Variants in MYOCD observed in about 807,000 individuals in gnomAD.
MYOCD encodes the protein myocardin.
MYOCD carries 32 observed loss-of-function variants against 96.1 expected under a neutral mutation model. The observed-to-expected ratio is 0.33, with a 90% confidence interval of 0.25 to 0.45. The LOEUF is 0.45. MYOCD is among the 20% of genes least tolerant of loss of function. The pLI is 1.00. For missense variants in MYOCD, 1,133 were observed against 1,200.6 expected, an observed-to-expected ratio of 0.94 and a Z score of 0.83; for synonymous variants, 469 against 469.0, an observed-to-expected ratio of 1.00 and a Z score of 0.00.
intron 9 of MYOCD, among the ~76,000 whole-genome samples, chr17:12,747,350 G>A (rs1438333000): frequency 8.3e-6 from 1 of 120,130 alleles, no homozygotes; most frequent in Non-Finnish European, 1.8e-5. Context: ...TGAGTCTTGG[G>A]AGAGTGACAT....
chr17:12,758,013 G>A (rs1301745395), intron 11 of MYOCD, 72 bp from the exon 12 acceptor site: 2 of 1,263,070 alleles, frequency 1.6e-6, no homozygotes, highest in Non-Finnish European at 2.3e-6. Flanking sequence ...TTAGCCTGTT[G>A]TTTCTAGAAC....
intron 1 of MYOCD, among the ~76,000 whole-genome samples, chr17:12,668,016 C>G (rs1399472169): frequency 6.6e-6 from 1 of 151,810 alleles, no homozygotes; most frequent in Non-Finnish European, 1.5e-5. Context: ...TCTTGACAGA[C>G]AAGAGAAAAA....
chr17:12,704,395 G>A (rs2031205432), intron 1 of MYOCD, among the ~76,000 whole-genome samples: 1 of 152,076 alleles, frequency 6.6e-6, no homozygotes, highest in Admixed American at 6.6e-5. Context: ...ACATGTATAT[G>A]ATATGTATAA....
chr17:12,710,396 A>G lies in MYOCD; in HGVS notation c.122-5123A>G, dbSNP rs115180370. The G allele has an allele frequency of 5.4e-3, 2,888 of 531,908 alleles. 61 individuals are homozygous for G. In the African/African-American group the frequency reaches 0.055, roughly 10 times the overall value. The allele number at this position is 531,908 out of a possible 1,614,324, so 32.9% of individuals were successfully genotyped here. On this transcript the variant is annotated intron_variant, in intron 2 of 13. Transcript: ENST00000425538. ...AGAAAGCCCCTGCTGGCCAGAATGAAATGTCTGGGCAGCTTGGTTTCATGA... is the reference window on the plus strand; with the variant it reads ...AGAAAGCCCCTGCTGGCCAGAATGAGATGTCTGGGCAGCTTGGTTTCATGA...
At position 12,666,031 on chromosome 17, in the gene MYOCD, G is replaced by A. The variant is rs1909355405; in HGVS notation, c.-158G>A. 4 of 565,608 alleles carry A rather than the reference G, an allele frequency of 7.1e-6. No individual in the cohort carries two copies. Among genetic ancestry groups the A allele is most frequent in the Non-Finnish European group, 1.3e-5 (4 of 316,946 alleles). The allele number at this position is 565,608 out of a possible 1,614,324, so 35.0% of individuals were successfully genotyped here. On this transcript the variant is annotated 5_prime_UTR_variant, in exon 1 of 14. Coordinates refer to ENST00000425538, the MANE Select transcript of MYOCD (RefSeq NM_001146312.3). ...GAGGGGGGAGGCGCCAGTTTTCTGG[G>A]GACACTGGCTGCCACTGTACTCCTA...
chr17:12,726,612 G>A (rs2032007289), intron 5 of MYOCD, among the ~76,000 whole-genome samples: 1 of 152,154 alleles, frequency 6.6e-6, no homozygotes, highest in Non-Finnish European at 1.5e-5. Flanking sequence ...TATTATGGAA[G>A]GGGGATCCTG....
intron 9 of MYOCD, among the ~76,000 whole-genome samples, chr17:12,748,160 C>CAAAAAAAAAAAAAAAA (rs58002174): frequency 2.0e-4 from 18 of 90,550 alleles, no homozygotes; most frequent in East Asian, 6.7e-4. Flanking sequence ...GACTCCGTCT[C>CAAAAAAAAAAAAAAAA]AAAAAAAAAA....
In MYOCD at chr17:12,767,802, T is replaced by C. The variant is rs1164080381; in HGVS notation, c.*4158T>C. Reference sequence around the variant, plus strand: ...ACGAGAGTTTGAAGATTTGTGTTGATTGCCAGATACAGAAGCCCCTTGAAA... The same window carrying C: ...ACGAGAGTTTGAAGATTTGTGTTGACTGCCAGATACAGAAGCCCCTTGAAA... On this transcript the variant is annotated 3_prime_UTR_variant, in exon 14 of 14. Coordinates refer to ENST00000425538, the MANE Select transcript of MYOCD (RefSeq NM_001146312.3). 1 of 152,166 alleles carries C rather than the reference T, an allele frequency of 6.6e-6. No homozygotes were observed. The allele number at this position is 152,166 out of a possible 1,614,324, so 9.4% of individuals were successfully genotyped here. A position where few individuals can be genotyped will look rare whatever the true frequency, so the allele number is the denominator to read the frequency against.
At chr17:12,682,768 C>T (rs1029325724) in intron 1 of MYOCD, among the ~76,000 whole-genome samples, 1 of 152,158 alleles carries the variant, frequency 6.6e-6, no homozygotes, top group Admixed American at 6.5e-5. Flanking sequence ...TTTACAAACA[C>T]CTGCATCCAC....
intron 10 of MYOCD, among the ~76,000 whole-genome samples, chr17:12,755,296 A>C (rs547152895): frequency 6.6e-6 from 1 of 152,330 alleles, no homozygotes; most frequent in Non-Finnish European, 1.5e-5. Flanking sequence ...CTTTGAAGAC[A>C]TTAAAAATTT....
intron 9 of MYOCD, among the ~76,000 whole-genome samples, chr17:12,749,266 C>A (rs140931449): frequency 6.6e-6 from 1 of 152,078 alleles, no homozygotes; most frequent in South Asian, 2.1e-4. Flanking sequence ...CAGTGGCTCA[C>A]GCCTGTAATC....
chr17:12,754,076 A>ATGTG (rs71144924), intron 10 of MYOCD, among the ~76,000 whole-genome samples: 171 of 147,430 alleles, frequency 1.2e-3, no homozygotes, highest in Non-Finnish European at 2.2e-3. Flanking sequence ...GTGTGTGTGT[A>ATGTG]TGTGTGTGTG....
chr17:12,677,438 C>A (rs940127690), intron 1 of MYOCD, among the ~76,000 whole-genome samples: 29 of 152,086 alleles, frequency 1.9e-4, no homozygotes, highest in African/African-American at 6.8e-4. Context: ...ATAGGCCGGG[C>A]ACAGTGGCTC....
chr17:12,710,206 G>A (rs570161214), intron 2 of MYOCD, among the ~76,000 whole-genome samples: 41 of 152,168 alleles, frequency 2.7e-4, no homozygotes, highest in Non-Finnish European at 2.5e-4. Flanking sequence ...TTTCCTCTCC[G>A]TCTCCCTCTG....
chr17:12,753,682 C>T (rs1406872982), intron 10 of MYOCD, among the ~76,000 whole-genome samples: 2 of 152,172 alleles, frequency 1.3e-5, no homozygotes, highest in Non-Finnish European at 2.9e-5. Context: ...ATGGCTCTGT[C>T]CCAATAAAAC....
At chr17:12,758,032 C>T (rs2150725675) in intron 11 of MYOCD, 53 bp from the exon 12 acceptor site, 1 of 1,378,492 alleles carries the variant, frequency 7.3e-7, no homozygotes, top group Non-Finnish European at 1.0e-6. Flanking sequence ...ACAGAAACAA[C>T]ATAATTTCAG....
chr17:12,746,168 GT>G, intron 9 of MYOCD, 96 bp downstream of exon 9: 1 of 1,337,748 alleles, frequency 7.5e-7, no homozygotes, highest in Non-Finnish European at 1.0e-6. Flanking sequence ...GAGTAAGAGA[GT>G]GGGAGGGGAA....
intron 1 of MYOCD, among the ~76,000 whole-genome samples, chr17:12,677,357 G>A (rs988688922): frequency 2.0e-5 from 3 of 151,964 alleles, no homozygotes; most frequent in South Asian, 2.1e-4. Flanking sequence ...CCCATGACAC[G>A]CGTTTACCTG....
Position 12,688,550 on chromosome 17 carries a change from T to TCTTCCTTCCTTCCATCTTCTTC in MYOCD, c.56-16565_56-16564insATCTTCTTCCTTCCTTCCTTCC, listed in dbSNP as rs1567572755. Among the ~76,000 whole-genome samples the TCTTCCTTCCTTCCATCTTCTTC allele has an allele frequency of 2.8e-4, 28 of 99,356 alleles. No homozygotes were observed. In the South Asian group the frequency reaches 9.7e-3, roughly 34 times the overall value. 65.2% of individuals were successfully genotyped at this position (99,356 alleles called of 152,430 possible). A position where few individuals can be genotyped will look rare whatever the true frequency, so the allele number is the denominator to read the frequency against. The stretch of plus-strand genomic sequence containing the variant: ...TCTTCTTCCTTCCTTCCTTCCATCT[T>TCTTCCTTCCTTCCATCTTCTTC]CTTCCTTCCTTCCTTCCTTCCATCT... On this transcript the variant is annotated intron_variant, in intron 1 of 13. Coordinates refer to ENST00000425538, the MANE Select transcript of MYOCD (RefSeq NM_001146312.3).
Sources: gnomAD v4.1 joint callset for allele counts (sites outside exome capture counted in the v4.1 genomes callset) on GRCh38, gnomAD v4.1.1 for gene constraint, MANE v1.5 for transcripts, NCBI Gene and HGNC (gene_info 2026-07-23, HGNC 2026-07-21) for gene names.